CDH12: variants seen among roughly 807,000 people sequenced by gnomAD.
CDH12 encodes the protein cadherin-12.
CDH12 carries 41 observed loss-of-function variants against 74.1 expected under a neutral mutation model. That is an observed-to-expected ratio of 0.55 (90% CI 0.43 to 0.72). CDH12 has a LOEUF of 0.72. Among genes scored for constraint, CDH12 ranks in the 30% least tolerant of loss-of-function variants. The pLI is 0.00. For missense variants in CDH12, 945 were observed against 977.2 expected (o/e 0.97, Z 0.44); for synonymous variants, 399 against 355.0 (o/e 1.12, Z -1.39).
At chr5:22,839,078 C>T (rs1313423080) in intron 1 of CDH12, among the ~76,000 whole-genome samples, 1 of 152,090 alleles carries the variant, frequency 6.6e-6, no homozygotes, top group Non-Finnish European at 1.5e-5. Flanking sequence ...TATGTCTACT[C>T]AATATATTTG....
intron 3 of CDH12, among the ~76,000 whole-genome samples, chr5:22,214,739 A>C (rs1249189896): frequency 1.3e-5 from 2 of 152,234 alleles, no homozygotes; most frequent in Non-Finnish European, 2.9e-5. Context: ...AAACAGGTGC[A>C]CACGAAACTT....
chr5:21,866,465 T>G (rs945278980), intron 6 of CDH12, among the ~76,000 whole-genome samples: 3 of 152,180 alleles, frequency 2.0e-5, no homozygotes, highest in Admixed American at 1.3e-4. Flanking sequence ...GTGGAATCTG[T>G]TGGCAACTGG....
At chr5:21,903,111 A>G (rs1753475390) in intron 6 of CDH12, among the ~76,000 whole-genome samples, 1 of 152,144 alleles carries the variant, frequency 6.6e-6, no homozygotes, top group African/African-American at 2.4e-5. Context: ...AAATAATGAT[A>G]AAAATAAATA....
intron 3 of CDH12, among the ~76,000 whole-genome samples, chr5:22,402,478 A>C (rs1742769117): frequency 1.3e-5 from 2 of 152,244 alleles, no homozygotes; most frequent in Non-Finnish European, 2.9e-5. Context: ...ATCAAGTAGA[A>C]AGCAAGACTT....
intron 1 of CDH12, among the ~76,000 whole-genome samples, chr5:22,671,765 TG>T (rs1740909526): frequency 6.6e-6 from 1 of 151,826 alleles, no homozygotes; most frequent in African/African-American, 2.4e-5. Flanking sequence ...AAGCCAACTG[TG>T]AACAAAGGGA....
chr5:21,860,825 T>C (rs561667453), intron 6 of CDH12, among the ~76,000 whole-genome samples: 99 of 151,996 alleles, frequency 6.5e-4, no homozygotes, highest in Non-Finnish European at 1.1e-3. Flanking sequence ...CTTCCCTGCA[T>C]TTGAGGTTTT....
chr5:22,762,783 T>G lies in CDH12; in HGVS notation c.-523+90275A>C, dbSNP rs555578585. On this transcript the variant is annotated intron_variant, in intron 1 of 14. Transcript: ENST00000382254. The stretch of plus-strand genomic sequence containing the variant: ...TTAATTTTTCTGAGCAAACATGTCT[T>G]GTATTAGGACCATGGTTATCTTATC... Among the ~76,000 whole-genome samples, 4 of 152,204 alleles carry G rather than the reference T, an allele frequency of 2.6e-5. No homozygotes were observed. In the South Asian group the frequency reaches 6.2e-4, roughly 24 times the overall value.
At position 22,572,034 on chromosome 5, in the gene CDH12, G is replaced by C. The variant is rs969387935; in HGVS notation, c.-522-66670C>G. Among the ~76,000 whole-genome samples the C allele has an allele frequency of 3.3e-5, 5 of 152,092 alleles. No homozygotes were observed. In the South Asian group the frequency reaches 1.0e-3, roughly 32 times the overall value. On this transcript the variant is annotated intron_variant, in intron 1 of 14. Transcript: ENST00000382254. ...GGCGCTGACAGACTTACTCAATGTAGGGTTGTCACAAACCTTCAGTTTGTA... is the reference window on the plus strand; with the variant it reads ...GGCGCTGACAGACTTACTCAATGTACGGTTGTCACAAACCTTCAGTTTGTA...
At chr5:22,470,024 A>G (rs2126603484) in intron 2 of CDH12, among the ~76,000 whole-genome samples, 1 of 152,348 alleles carries the variant, frequency 6.6e-6, no homozygotes, top group Non-Finnish European at 1.5e-5. Flanking sequence ...CAAGAAAATG[A>G]AATCTGCTGA....
chr5:22,273,098 T>A (rs1162035309), intron 3 of CDH12, among the ~76,000 whole-genome samples: 1 of 152,046 alleles, frequency 6.6e-6, no homozygotes, highest in Non-Finnish European at 1.5e-5. Flanking sequence ...TCCCCCAACA[T>A]GTGGGGATTA....
intron 4 of CDH12, among the ~76,000 whole-genome samples, chr5:22,150,770 T>C (rs1350460163): frequency 6.6e-6 from 1 of 152,148 alleles, no homozygotes; most frequent in African/African-American, 2.4e-5. Flanking sequence ...TCTAATAAGG[T>C]ATACCTTTAC....
At chr5:22,785,206 G>A (rs1488504569) in intron 1 of CDH12, among the ~76,000 whole-genome samples, 2 of 152,008 alleles carry the variant, frequency 1.3e-5, no homozygotes, top group Non-Finnish European at 2.9e-5. Context: ...TCTTGCTTCA[G>A]GGATGACTTC....
At chr5:22,701,681 A>G (rs1742722412) in intron 1 of CDH12, among the ~76,000 whole-genome samples, 1 of 152,132 alleles carries the variant, frequency 6.6e-6, no homozygotes, top group South Asian at 2.1e-4. Flanking sequence ...TTCTACTCCC[A>G]TATTTTACCT....
At chr5:22,755,865 A>G (rs1745871176) in intron 1 of CDH12, among the ~76,000 whole-genome samples, 1 of 152,210 alleles carries the variant, frequency 6.6e-6, no homozygotes, top group African/African-American at 2.4e-5. Flanking sequence ...TATCTAAATC[A>G]TTAGGGTACA....
intron 9 of CDH12, among the ~76,000 whole-genome samples, chr5:21,804,936 A>G (rs899094894): frequency 6.6e-6 from 1 of 152,134 alleles, no homozygotes; most frequent in African/African-American, 2.4e-5. Context: ...GCTAATTCAA[A>G]TTAAGGAACA....
intron 6 of CDH12, among the ~76,000 whole-genome samples, chr5:21,964,673 T>C (rs1351295524): frequency 1.3e-5 from 2 of 152,004 alleles, no homozygotes; most frequent in African/African-American, 2.4e-5. Flanking sequence ...GTAGACAGTG[T>C]TCTTTTTGAC....
intron 1 of CDH12, among the ~76,000 whole-genome samples, chr5:22,756,387 A>T (rs572467735): frequency 6.6e-6 from 1 of 152,272 alleles, no homozygotes; most frequent in East Asian, 1.9e-4. Flanking sequence ...AAACATAAAA[A>T]ATATTTCATA....
At chr5:22,326,207 A>T (rs1739089440) in intron 3 of CDH12, among the ~76,000 whole-genome samples, 1 of 150,444 alleles carries the variant, frequency 6.6e-6, no homozygotes, top group Admixed American at 6.7e-5. Flanking sequence ...TTTCAGCAGG[A>T]CTGTAATTTC....
intron 4 of CDH12, among the ~76,000 whole-genome samples, chr5:22,164,536 AT>A (rs1042248292): frequency 1.2e-3 from 182 of 152,326 alleles, no homozygotes; most frequent in Middle Eastern, 6.8e-3. Context: ...TCAAGCCGTA[AT>A]AAACACGGAC....
Sources: allele counts gnomAD v4.1 joint callset (sites outside exome capture counted in the v4.1 genomes callset), GRCh38; gene constraint gnomAD v4.1.1; transcripts MANE v1.5; gene names NCBI Gene and HGNC (gene_info 2026-07-23, HGNC 2026-07-21).